Variants in HSD17B4 observed in about 807,000 individuals in gnomAD.
The protein encoded by HSD17B4 is hydroxysteroid 17-beta dehydrogenase 4.
HSD17B4 carries 70 observed loss-of-function variants against 101.0 expected under a neutral mutation model. The ratio of observed to expected loss-of-function variants is 0.69; its 90% confidence interval spans 0.57 to 0.85. HSD17B4 has a LOEUF of 0.85. HSD17B4 is among the 40% of genes least tolerant of loss of function. The pLI is 0.00. For synonymous variants in HSD17B4, 347 were observed against 297.1 expected (o/e 1.17, Z -1.73); for missense variants, 984 against 892.4 (o/e 1.10, Z -1.31).
At chr5:119,466,690 T>G (rs257976) in intron 2 of HSD17B4, among the ~76,000 whole-genome samples, 93,904 of 151,762 alleles carry the variant, frequency 0.62, 29,632 homozygotes, top group East Asian at 0.93. Context: ...TTTTTTCTTA[T>G]TCTAGCTAAT....
chr5:119,540,748 C>CT (rs1195312073), intron 23 of HSD17B4, among the ~76,000 whole-genome samples: 1 of 152,156 alleles, frequency 6.6e-6, no homozygotes, highest in Non-Finnish European at 1.5e-5. Context: ...GCTTCTGAGA[C>CT]TAAGTGCTGC....
chr5:119,465,279 G>C (rs1286982457), intron 2 of HSD17B4, among the ~76,000 whole-genome samples: 2 of 152,098 alleles, frequency 1.3e-5, no homozygotes, highest in African/African-American at 2.4e-5. Context: ...AGCTAGTTTG[G>C]TATTGGTTTA....
chr5:119,536,015 G>A (rs1754502024), intron 22 of HSD17B4: 1 of 232,104 alleles, frequency 4.3e-6, no homozygotes, highest in Non-Finnish European at 8.6e-6. Context: ...CAGAAGCTTA[G>A]TTATTAATAA....
At chr5:119,473,441 C>T (rs1748227580) in intron 2 of HSD17B4, among the ~76,000 whole-genome samples, 2 of 151,152 alleles carry the variant, frequency 1.3e-5, no homozygotes, top group African/African-American at 2.4e-5. Flanking sequence ...ACCTCAGCCT[C>T]CCAAGTAGCT....
chr5:119,536,144 A>G lies in HSD17B4; in HGVS notation c.1994-279A>G, dbSNP rs1389173786. The G allele has an allele frequency of 2.5e-5, 10 of 396,124 alleles. No homozygotes were observed. The East Asian group carries it at 3.0e-4, about 12-fold the overall frequency. The allele number at this position is 396,124 out of a possible 1,614,324, so 24.5% of individuals were successfully genotyped here. On this transcript the variant is annotated intron_variant, in intron 22 of 23. Transcript: ENST00000510025. The stretch of plus-strand genomic sequence containing the variant: ...ATTAGCTGTGATCTTATAGGTGTCT[A>G]TAAACTCAAGGTGATGGTGGTGGTT...
At chr5:119,518,267 A>G (rs1752819162) in intron 17 of HSD17B4, among the ~76,000 whole-genome samples, 1 of 152,028 alleles carries the variant, frequency 6.6e-6, no homozygotes, top group Non-Finnish European at 1.5e-5. Flanking sequence ...TAAGAGCTGT[A>G]ACACTCACCG....
chr5:119,541,056 T>G (rs557693419), intron 23 of HSD17B4, among the ~76,000 whole-genome samples: 37 of 152,336 alleles, frequency 2.4e-4, no homozygotes, highest in African/African-American at 8.7e-4. Context: ...TCATATTTTA[T>G]GTAAGCTATA....
chr5:119,531,286 C>T lies in HSD17B4; in HGVS notation c.1875C>T (p.Thr625=), dbSNP rs745478996. The change falls in exon 22 of 24, where the codon ACC becomes ACT. Residue 625 remains threonine, a synonymous_variant. Transcript: ENST00000510025. The part of the protein sequence containing the change: ...TPSEGGKLQS[T]FVFEEIGRRL... ...GTTAGGGCGGGAAGCTTCAGAGTAC[C>T]TTTGTATTTGAGGAAATAGGACGCC... 1 of 1,613,546 alleles carries T rather than the reference C, an allele frequency of 6.2e-7. No homozygotes were observed. Among genetic ancestry groups the T allele is most frequent in the Non-Finnish European group, 8.5e-7 (1 of 1,179,746 alleles).
intron 14 of HSD17B4, among the ~76,000 whole-genome samples, chr5:119,504,812 A>T (rs1170225318): frequency 1.3e-5 from 2 of 152,086 alleles, no homozygotes; most frequent in African/African-American, 4.8e-5. Flanking sequence ...ACTTAGCCAT[A>T]AATTATTTCC....
intron 12 of HSD17B4, among the ~76,000 whole-genome samples, chr5:119,498,913 C>G (rs1029573098): frequency 6.6e-6 from 1 of 152,056 alleles, no homozygotes; most frequent in African/African-American, 2.4e-5. Context: ...ATGAGGCAAT[C>G]AAATTTACAT....
chr5:119,535,562 AC>A (rs1331636245), intron 22 of HSD17B4, among the ~76,000 whole-genome samples: 1 of 151,106 alleles, frequency 6.6e-6, no homozygotes, highest in Non-Finnish European at 1.5e-5. Context: ...TAGTTTATGA[AC>A]TTTTGGCAGG....
intron 20 of HSD17B4, among the ~76,000 whole-genome samples, chr5:119,527,617 C>T (rs1343840233): frequency 6.6e-6 from 1 of 151,946 alleles, no homozygotes; most frequent in Non-Finnish European, 1.5e-5. Flanking sequence ...AGAAATCTAT[C>T]TGACTCATTA....
At chr5:119,463,561 A>T (rs1755486764) in intron 2 of HSD17B4, among the ~76,000 whole-genome samples, 1 of 148,310 alleles carries the variant, frequency 6.7e-6, no homozygotes, top group African/African-American at 2.5e-5. Flanking sequence ...AGCCATTCTA[A>T]CTTGAAATGA....
intron 12 of HSD17B4, 72 bp downstream of exon 12, chr5:119,496,718 C>A: frequency 1.2e-6 from 1 of 829,062 alleles, no homozygotes; most frequent in Non-Finnish European, 2.2e-6. Flanking sequence ...TCCCTGCTTT[C>A]TTCCTCCCCT....
intron 2 of HSD17B4, among the ~76,000 whole-genome samples, chr5:119,462,603 G>A (rs1285211124): frequency 1.3e-5 from 2 of 152,192 alleles, no homozygotes; most frequent in Non-Finnish European, 2.9e-5. Context: ...ATACGTTTAA[G>A]TGGTAACAGT....
intron 20 of HSD17B4, among the ~76,000 whole-genome samples, chr5:119,528,808 A>T (rs1303137091): frequency 6.6e-6 from 1 of 151,894 alleles, no homozygotes; most frequent in Non-Finnish European, 1.5e-5. Flanking sequence ...ATGCTGTCTT[A>T]TCTTTTCAGC....
chr5:119,484,727 A>G (rs912621997), intron 8 of HSD17B4, among the ~76,000 whole-genome samples: 9 of 152,164 alleles, frequency 5.9e-5, no homozygotes, highest in African/African-American at 2.2e-4. Flanking sequence ...TTCATTTTAG[A>G]ACTTGGGATT....
At chr5:119,467,445 C>T (rs1755921342) in intron 2 of HSD17B4, among the ~76,000 whole-genome samples, 1 of 152,276 alleles carries the variant, frequency 6.6e-6, no homozygotes, top group South Asian at 2.1e-4. Context: ...GATCTGGTAG[C>T]ATTTGCTTTA....
At chr5:119,478,724 C>G (rs1434393793) in intron 7 of HSD17B4, 110 bp from the exon 8 acceptor site, 4 of 778,846 alleles carry the variant, frequency 5.1e-6, no homozygotes, top group Non-Finnish European at 4.5e-6. Flanking sequence ...AAGCTAATGA[C>G]AGTACACATA....
Sources: allele counts gnomAD v4.1 joint callset (sites outside exome capture counted in the v4.1 genomes callset), GRCh38; gene constraint gnomAD v4.1.1; transcripts MANE v1.5; gene names NCBI Gene and HGNC (gene_info 2026-07-23, HGNC 2026-07-21).